Variants in STK32B observed in about 807,000 individuals in gnomAD.
STK32B encodes the protein serine/threonine-protein kinase 32B.
Under a neutral mutation model 52.6 loss-of-function variants are expected in STK32B, and 43 were observed. The observed-to-expected ratio is 0.82, with a 90% CI of 0.64 to 1.05. STK32B has a LOEUF of 1.05. STK32B is among the 50% of genes least tolerant of loss of function. STK32B has a pLI of 0.00. For missense variants in STK32B, 621 were observed against 534.6 expected, an observed-to-expected ratio of 1.16 and a Z score of -1.59; for synonymous variants, 238 against 204.3, an observed-to-expected ratio of 1.17 and a Z score of -1.41.
At chr4:5,429,597 A>G (rs195125) in intron 6 of STK32B, among the ~76,000 whole-genome samples, 62,695 of 151,758 alleles carry the variant, frequency 0.41, 13,693 homozygotes, top group South Asian at 0.55. Flanking sequence ...CAAATAGTCA[A>G]TTATATTTTG....
At chr4:5,319,282 T>C (rs545336594) in intron 3 of STK32B, among the ~76,000 whole-genome samples, 1 of 152,288 alleles carries the variant, frequency 6.6e-6, no homozygotes, top group Non-Finnish European at 1.5e-5. Flanking sequence ...GCCTGTACAC[T>C]TCAAAAGGGT....
intron 2 of STK32B, among the ~76,000 whole-genome samples, chr4:5,146,362 G>A (rs1025759748): frequency 6.6e-6 from 1 of 152,184 alleles, no homozygotes; most frequent in Non-Finnish European, 1.5e-5. Flanking sequence ...AACCACTGGT[G>A]TAAGTCCAAG....
At chr4:5,440,589 C>A (rs1382129517) in intron 6 of STK32B, among the ~76,000 whole-genome samples, 7 of 152,108 alleles carry the variant, frequency 4.6e-5, no homozygotes, top group South Asian at 4.2e-4. Context: ...AATTGAATAC[C>A]CTTTATTTCC....
rs184428815 is a variant in STK32B at position 5,207,838 on chromosome 4, T to C, written c.260+39388T>C. Among the ~76,000 whole-genome samples the C allele has an allele frequency of 4.3e-3, 655 of 152,110 alleles. 6 individuals carry two copies. Among genetic ancestry groups the C allele is most frequent in the Non-Finnish European group, 6.7e-3 (453 of 68,000 alleles). ...AGATGAAGTTGCATGACCTGTGTCA[T>C]ATGTTTGTTTTTTCTCTTCTGGACA... On this transcript the variant is annotated intron_variant, in intron 3 of 11. Transcript: ENST00000282908.
In STK32B at chr4:5,470,509, C is replaced by G. The variant is rs1205113860; in HGVS notation, c.1106+2439C>G. 6.6e-6 allele frequency among the ~76,000 whole-genome samples: 1 copy of G among 152,156 alleles called. No individual in the cohort carries two copies. The highest frequency in any genetic ancestry group is 1.5e-5 in the Non-Finnish European group (1 of 68,026). ...GTCTCTGCTTACCTAAGTGCTTCCT[C>G]TGCGGCCCTGATGGCTGATAGGCTT... On this transcript the variant is annotated intron_variant, in intron 11 of 11. Transcript: ENST00000282908. The surrounding 1 kb of genome is among the most constrained non-coding windows in gnomAD (Gnocchi z 4.6).
chr4:5,425,937 T>G (rs1057135411), intron 6 of STK32B, among the ~76,000 whole-genome samples: 2 of 152,222 alleles, frequency 1.3e-5, no homozygotes, highest in Non-Finnish European at 2.9e-5. Context: ...GATTTACTCA[T>G]GACGTGTGTA....
the STK32B span, among the ~76,000 whole-genome samples, chr4:5,033,275 G>A: frequency 1.3e-5 from 2 of 152,152 alleles, no homozygotes; most frequent in African/African-American, 4.8e-5. Flanking sequence ...CTGCAGCACG[G>A]TCACCATAAA....
chr4:5,404,411 G>T (rs1472110515), intron 5 of STK32B, among the ~76,000 whole-genome samples: 2 of 152,020 alleles, frequency 1.3e-5, no homozygotes, highest in Non-Finnish European at 2.9e-5. Flanking sequence ...TGAATTTGGG[G>T]CCCAGCCCAT....
chr4:5,475,854 A>C (rs1348621496), intron 11 of STK32B, among the ~76,000 whole-genome samples: 1 of 151,726 alleles, frequency 6.6e-6, no homozygotes, highest in African/African-American at 2.4e-5. Flanking sequence ...ATATATATTC[A>C]CACTTGATCT....
chr4:5,444,299 T>C (rs4487284), intron 6 of STK32B, among the ~76,000 whole-genome samples: 23,482 of 152,222 alleles, frequency 0.15, 2,369 homozygotes, highest in East Asian at 0.53. Flanking sequence ...GATATAATCT[T>C]GTGGTGCACC....
intron 6 of STK32B, among the ~76,000 whole-genome samples, chr4:5,433,520 C>T (rs1028149585): frequency 5.9e-5 from 9 of 152,084 alleles, no homozygotes; most frequent in Admixed American, 4.6e-4. Flanking sequence ...GGTTCTAGTC[C>T]CAGCTGGGCC....
In STK32B at chr4:5,482,320, T is replaced by C. The variant is rs200081928; in HGVS notation, c.1106+14250T>C. ...CTTCACATCCCTTGTAAGTTGGATT[T>C]CTAGGTATTTTATTCTCTTTGAAGC... is the stretch of plus-strand genomic sequence containing the variant. On this transcript the variant is annotated intron_variant, in intron 11 of 11. Transcript: ENST00000282908. 1.1e-3 allele frequency among the ~76,000 whole-genome samples: 166 copies of C among 152,214 alleles called. 1 individual carries two copies. Among genetic ancestry groups the C allele is most frequent in the African/African-American group, 3.8e-3 (158 of 41,554 alleles).
intron 3 of STK32B, among the ~76,000 whole-genome samples, chr4:5,251,040 G>A (rs1025968012): frequency 4.6e-5 from 7 of 151,904 alleles, no homozygotes; most frequent in Non-Finnish European, 1.0e-4. Flanking sequence ...TTTCTTTTGC[G>A]GGACAGAAGC....
chr4:5,297,759 C>T (rs941702991), intron 3 of STK32B, among the ~76,000 whole-genome samples: 1 of 151,844 alleles, frequency 6.6e-6, no homozygotes, highest in East Asian at 1.9e-4. Flanking sequence ...TTGTTATTAC[C>T]CACCTTCTGA....
rs113978930 is a variant in STK32B, at chr4:5,137,769, A to C, written c.53-2136A>C. Among the ~76,000 whole-genome samples, 795 of 152,286 alleles carry C rather than the reference A, an allele frequency of 5.2e-3. 4 individuals carry two copies. Among genetic ancestry groups the C allele is most frequent in the African/African-American group, 0.018 (760 of 41,560 alleles). ...GGTTCAGAGTTAACTCTAAGGAAAAAAATGGTTAGTTGGGGGTTGGGGAAA... is the reference window on the plus strand; with the variant it reads ...GGTTCAGAGTTAACTCTAAGGAAAACAATGGTTAGTTGGGGGTTGGGGAAA... On this transcript the variant is annotated intron_variant, in intron 1 of 11. Coordinates refer to ENST00000282908, the MANE Select transcript of STK32B (RefSeq NM_018401.3).
At chr4:5,129,451 A>C (rs1456937522) in intron 1 of STK32B, among the ~76,000 whole-genome samples, 8 of 152,222 alleles carry the variant, frequency 5.3e-5, no homozygotes, top group Non-Finnish European at 1.5e-5. Flanking sequence ...TAGGCGTCTT[A>C]TCCTGTGCAA....
chr4:5,302,882 C>T (rs549117598), intron 3 of STK32B, among the ~76,000 whole-genome samples: 12 of 152,032 alleles, frequency 7.9e-5, no homozygotes, highest in Non-Finnish European at 1.3e-4. Flanking sequence ...AGTTACTTCA[C>T]TTAGAATAAT....
At chr4:5,121,651 G>A (rs1715031180) in intron 1 of STK32B, among the ~76,000 whole-genome samples, 1 of 152,138 alleles carries the variant, frequency 6.6e-6, no homozygotes, top group African/African-American at 2.4e-5. Flanking sequence ...TACTGGACTG[G>A]GTGTTAATGA....
intron 4 of STK32B, among the ~76,000 whole-genome samples, chr4:5,387,950 G>A (rs1014023847): frequency 2.0e-4 from 30 of 152,140 alleles, no homozygotes; most frequent in Admixed American, 9.8e-4. Context: ...CACCATGTTG[G>A]CCAGGCTGGT....
Sources: allele counts gnomAD v4.1 joint callset (sites outside exome capture counted in the v4.1 genomes callset), GRCh38; gene constraint gnomAD v4.1.1; non-coding constraint Gnocchi (gnomAD v3.1); transcripts MANE v1.5; gene names NCBI Gene and HGNC (gene_info 2026-07-23, HGNC 2026-07-21).